LMBRD1: variants seen among roughly 807,000 people sequenced by gnomAD.
LMBRD1 encodes lysosomal cobalamin transport escort protein LMBD1.
A neutral mutation model predicts 74.8 loss-of-function variants in LMBRD1; 64 were observed. The ratio of observed to expected loss-of-function variants is 0.86; its 90% confidence interval spans 0.70 to 1.05. The LOEUF is 1.05. LMBRD1 is among the 50% of genes least tolerant of loss of function. LMBRD1 has a pLI of 0.00. For synonymous variants in LMBRD1, 204 were observed against 216.3 expected, an observed-to-expected ratio of 0.94 and a Z score of 0.50; for missense variants, 652 against 645.9, an observed-to-expected ratio of 1.01 and a Z score of -0.10.
chr6:69,740,233 TAGAC>T (rs1350272939), intron 6 of LMBRD1, among the ~76,000 whole-genome samples: 4 of 152,180 alleles, frequency 2.6e-5, no homozygotes, highest in East Asian at 1.9e-4. Flanking sequence ...GTTTTGGACT[TAGAC>T]AGCTCATCTA....
At chr6:69,726,231 T>C (rs1349736345) in intron 7 of LMBRD1, among the ~76,000 whole-genome samples, 2 of 152,170 alleles carry the variant, frequency 1.3e-5, no homozygotes, top group Non-Finnish European at 2.9e-5. Flanking sequence ...CAACAACAAA[T>C]GCTGGTGAAG....
intron 14 of LMBRD1, among the ~76,000 whole-genome samples, chr6:69,676,838 G>C (rs1467743048): frequency 6.6e-6 from 1 of 152,030 alleles, no homozygotes; most frequent in Non-Finnish European, 1.5e-5. Flanking sequence ...ACTGGAAATA[G>C]AAGAATCATT....
At chr6:69,685,402 G>A (rs1250463880) in intron 14 of LMBRD1, among the ~76,000 whole-genome samples, 1 of 152,198 alleles carries the variant, frequency 6.6e-6, no homozygotes, top group Non-Finnish European at 1.5e-5. Context: ...AGCACTTACA[G>A]TTTTTACTAG....
chr6:69,755,351 T>C (rs1006009909), intron 3 of LMBRD1, among the ~76,000 whole-genome samples: 3 of 152,052 alleles, frequency 2.0e-5, no homozygotes, highest in Admixed American at 6.6e-5. Context: ...AAACATCTCA[T>C]GTTCTCACTC....
chr6:69,677,677 T>G (rs1326699176), intron 14 of LMBRD1, among the ~76,000 whole-genome samples: 1 of 152,144 alleles, frequency 6.6e-6, no homozygotes, highest in African/African-American at 2.4e-5. Context: ...AGCTCAAGCT[T>G]GAGAGGTTTC....
intron 9 of LMBRD1, among the ~76,000 whole-genome samples, chr6:69,711,599 G>A (rs1766385196): frequency 6.6e-6 from 1 of 151,892 alleles, no homozygotes; most frequent in Non-Finnish European, 1.5e-5. Context: ...AAATCACCTT[G>A]GGGTAAAAAA....
rs1008954576 is a variant in LMBRD1 at position 69,675,309 on chromosome 6, T to C, written c.*849A>G. 2.6e-4 allele frequency among the ~76,000 whole-genome samples: 40 copies of C among 152,290 alleles called. No individual in the cohort carries two copies. The highest frequency in any genetic ancestry group is 9.6e-4 in the African/African-American group (40 of 41,560). On this transcript the variant is annotated 3_prime_UTR_variant, in exon 16 of 16. Transcript: ENST00000649934. The stretch of plus-strand genomic sequence containing the variant: ...TTATTTCTCACTATCCAGAATGTGT[T>C]CAAAATACCCTACTGATGTCATACA...
chr6:69,714,123 T>C (rs1210623294), intron 8 of LMBRD1, among the ~76,000 whole-genome samples: 1 of 152,030 alleles, frequency 6.6e-6, no homozygotes, highest in Non-Finnish European at 1.5e-5. Context: ...TGTACTTTGC[T>C]CAATGATTCT....
rs963341697 is a variant in LMBRD1 at position 69,674,213 on chromosome 6, T to C, written c.*1945A>G. Among the ~76,000 whole-genome samples, 5 of 152,186 alleles carry C rather than the reference T, an allele frequency of 3.3e-5. No homozygotes were observed. Among genetic ancestry groups the C allele is most frequent in the African/African-American group, 9.7e-5 (4 of 41,446 alleles). The stretch of plus-strand genomic sequence containing the variant: ...CCTTCTTATAAGAACACCAGTCATA[T>C]TGGATTTGGGCTTCACGCAATAGCC... On this transcript the variant is annotated 3_prime_UTR_variant, in exon 16 of 16. Coordinates refer to ENST00000649934, the MANE Select transcript of LMBRD1 (RefSeq NM_018368.4).
At chr6:69,697,731 G>A (rs547455814) in intron 13 of LMBRD1, 90 bp from the exon 14 acceptor site, 1 of 730,450 alleles carries the variant, frequency 1.4e-6, no homozygotes, top group Non-Finnish European at 2.4e-6. Flanking sequence ...TGTATACTCT[G>A]TATACTAACT....
chr6:69,784,156 T>C (rs1178180106), intron 2 of LMBRD1, among the ~76,000 whole-genome samples: 1 of 152,242 alleles, frequency 6.6e-6, no homozygotes, highest in Non-Finnish European at 1.5e-5. Context: ...ATGACCTTGA[T>C]ATGTTTTATA....
At chr6:69,687,326 T>C (rs975450968) in intron 14 of LMBRD1, among the ~76,000 whole-genome samples, 1 of 152,140 alleles carries the variant, frequency 6.6e-6, no homozygotes, top group African/African-American at 2.4e-5. Context: ...TAATCTCCTT[T>C]GGCACTTTAT....
chr6:69,682,979 T>C (rs951602679), intron 14 of LMBRD1, among the ~76,000 whole-genome samples: 3 of 152,012 alleles, frequency 2.0e-5, no homozygotes, highest in Non-Finnish European at 2.9e-5. Context: ...TGTGAGTAGC[T>C]GAGAAGTTTC....
At chr6:69,713,560 C>T (rs1300630907) in intron 9 of LMBRD1, 85 bp downstream of exon 9, 4 of 1,398,856 alleles carry the variant, frequency 2.9e-6, no homozygotes, top group African/African-American at 2.9e-5. Flanking sequence ...GCTGTAATGC[C>T]TCAAAAGGAG....
At chr6:69,776,650 A>AG (rs1273462728) in intron 3 of LMBRD1, among the ~76,000 whole-genome samples, 14 of 152,232 alleles carry the variant, frequency 9.2e-5, no homozygotes, top group Non-Finnish European at 1.5e-4. Context: ...GTCAATGCTT[A>AG]GCCGCCTTAT....
chr6:69,747,397 C>G (rs1014746166), intron 5 of LMBRD1, among the ~76,000 whole-genome samples: 1 of 152,230 alleles, frequency 6.6e-6, no homozygotes, highest in African/African-American at 2.4e-5. Flanking sequence ...ACCTCCAGAA[C>G]CATGAGAAAA....
intron 3 of LMBRD1, among the ~76,000 whole-genome samples, chr6:69,767,742 T>G (rs1430863511): frequency 1.3e-5 from 2 of 151,942 alleles, no homozygotes; most frequent in Admixed American, 6.6e-5. Context: ...CAACCTTCAC[T>G]GATTTTCTAA....
intron 6 of LMBRD1, among the ~76,000 whole-genome samples, chr6:69,740,912 C>A (rs1767087757): frequency 6.6e-6 from 1 of 152,032 alleles, no homozygotes; most frequent in Admixed American, 6.5e-5. Context: ...TTAACCTAAT[C>A]CGTGAGCCTT....
At chr6:69,774,304 A>C (rs1356237215) in intron 3 of LMBRD1, among the ~76,000 whole-genome samples, 1 of 152,216 alleles carries the variant, frequency 6.6e-6, no homozygotes, top group Non-Finnish European at 1.5e-5. Context: ...GCCATGTGGA[A>C]CTGTGAGCCC....
Sources: allele counts gnomAD v4.1 joint callset (sites outside exome capture counted in the v4.1 genomes callset), GRCh38; gene constraint gnomAD v4.1.1; transcripts MANE v1.5; gene names NCBI Gene and HGNC (gene_info 2026-07-23, HGNC 2026-07-21).